The following LAT2 variants were observed in gnomAD, a reference collection of about 807,000 sequenced individuals.
LAT2 encodes linker for activation of T-cells family member 2.
In LAT2, 23 loss-of-function variants were observed where a neutral mutation model predicts 43.4. That is an observed-to-expected ratio of 0.53 (90% CI 0.38 to 0.75). LAT2 has a LOEUF of 0.75. Ranked by LOEUF, LAT2 falls within the 30% of genes least tolerant of loss-of-function variation. LAT2 has a pLI of 0.00. For synonymous variants in LAT2, 128 were observed against 123.2 expected (o/e 1.04, Z -0.26); for missense variants, 284 against 310.2 (o/e 0.92, Z 0.64).
rs781806954 is a variant in LAT2 at position 74,219,009 on chromosome 7, C to CTTTTTTT, written c.135-703_135-697dup. On this transcript the variant is annotated intron_variant, in intron 4 of 13. Coordinates refer to ENST00000460943, the MANE Select transcript of LAT2 (RefSeq NM_032464.3). ...CACCATGCCGGGTCTAGAGTGTGTG[C>CTTTTTTT]TTTTTTTTTTTTTTTTTTTTTTTTT... 3.9e-4 allele frequency among the ~76,000 whole-genome samples: 19 copies of CTTTTTTT among 48,800 alleles called. 4 individuals carry two copies. Among genetic ancestry groups the CTTTTTTT allele is most frequent in the Non-Finnish European group, 5.4e-4 (14 of 25,698 alleles). The allele number at this position is 48,800 out of a possible 152,430, so 32.0% of individuals were successfully genotyped here. A position where few individuals can be genotyped will look rare whatever the true frequency, so the allele number is the denominator to read the frequency against.
chr7:74,214,789 A>ATTT (rs1228293311), intron 1 of LAT2, 33 bp from the exon 2 acceptor site: 1 of 89,458 alleles, frequency 1.1e-5, no homozygotes, highest in South Asian at 3.0e-4. Context: ...ATATATATAT[A>ATTT]TATTTTTTTT....
chr7:74,210,566 C>T (rs1287995215), intron 1 of LAT2, among the ~76,000 whole-genome samples: 1 of 152,010 alleles, frequency 6.6e-6, no homozygotes, highest in Non-Finnish European at 1.5e-5. Flanking sequence ...GTCCCTGGGA[C>T]CAGGGCTGCT....
rs782791714 is a variant in LAT2 at position 74,224,233 on chromosome 7, TAGGGCAGGCTTGAGGGACTGGCCTGGA to T, written c.628+47_628+73del. The stretch of plus-strand genomic sequence containing the variant: ...GGGAGAAGAGGCAGGGTGGTCCACT[TAGGGCAGGCTTGAGGGACTGGCCTGGA>T]AGGGCAGGCTGAAAGTGGGCTTCCC... On this transcript the variant is annotated intron_variant, in intron 12 of 13. Coordinates refer to ENST00000460943, the MANE Select transcript of LAT2 (RefSeq NM_032464.3). 5 of 1,601,256 alleles carry T rather than the reference TAGGGCAGGCTTGAGGGACTGGCCTGGA, an allele frequency of 3.1e-6. No homozygotes were observed. In the East Asian group the frequency reaches 8.9e-5, roughly 29 times the overall value.
chr7:74,222,819 C>A (rs976228320), intron 10 of LAT2, among the ~76,000 whole-genome samples: 5 of 152,152 alleles, frequency 3.3e-5, no homozygotes, highest in Admixed American at 3.3e-4. Flanking sequence ...AGGTGATCCG[C>A]CCGCCTTGGC....
chr7:74,214,433 A>C (rs188366578), intron 1 of LAT2, among the ~76,000 whole-genome samples: 1,149 of 35,168 alleles, frequency 0.033, 120 homozygotes, highest in South Asian at 0.038. Flanking sequence ...TATATATGAA[A>C]ATATATATAT....
chr7:74,224,262 G>A (rs1421665711), intron 12 of LAT2, 65 bp downstream of exon 12: 4 of 1,542,274 alleles, frequency 2.6e-6, no homozygotes, highest in Non-Finnish European at 3.5e-6. Context: ...TGGCCTGGAA[G>A]GGCAGGCTGA....
At position 74,214,781 on chromosome 7, in the gene LAT2, ATATATATATATTTT is replaced by A. The variant is rs1554713980; in HGVS notation, c.-218-39_-218-26del. The A allele has an allele frequency of 9.2e-4, 77 of 84,060 alleles. 2 individuals are homozygous for A. Among genetic ancestry groups the A allele is most frequent in the African/African-American group, 4.4e-3 (75 of 17,184 alleles). 5.2% of individuals were successfully genotyped at this position (84,060 alleles called of 1,614,324 possible). ...TATATAAACATATATATATAAATATATATATATATATTTTTTTTTTTTTTTGTATTTTTTTTGTA... is the reference window on the plus strand; with the variant it reads ...TATATAAACATATATATATAAATATATTTTTTTTTTTGTATTTTTTTTGTA... On this transcript the variant is annotated intron_variant, in intron 1 of 13. Transcript: ENST00000460943.
In LAT2 at chr7:74,216,049, G is replaced by A. The variant is rs1554714236; in HGVS notation, c.74G>A (p.Cys25Tyr). 1 of 1,613,164 alleles carries A rather than the reference G, an allele frequency of 6.2e-7. No homozygotes were observed. Among genetic ancestry groups the A allele is most frequent in the South Asian group, 1.1e-5 (1 of 91,030 alleles). Residue 25 changes from cysteine (C) to tyrosine (Y), a missense_variant, in exon 3 of 14, where the codon TGT (cysteine) becomes TAT (tyrosine). Cys to Tyr is a radical substitution (Grantham distance 194). Transcript: ENST00000460943. ...CTGTTGGGGGTGGCAGCCAGTCTGT[G>A]TGTGCGCTGCTCACGCCCAGGTAAG... ...LVLLGVAASL[C>Y]VRCSRPGAKR...
chr7:74,220,779 G>A lies in LAT2; in HGVS notation c.332+45G>A. The stretch of plus-strand genomic sequence containing the variant: ...TCCCCCCTGCCTCGCCTCTCCCCCT[G>A]CCCCACCTCTCCCCCTGCCCCACCT... On this transcript the variant is annotated intron_variant, in intron 9 of 13. Coordinates refer to ENST00000460943, the MANE Select transcript of LAT2 (RefSeq NM_032464.3). The surrounding 1 kb of genome is among the most constrained non-coding windows in gnomAD (Gnocchi z 4.5). 7.1e-7 allele frequency: 1 copy of A among 1,405,328 alleles called. No homozygotes were observed. The highest frequency in any genetic ancestry group is 9.4e-7 in the Non-Finnish European group (1 of 1,068,000). 87.1% of individuals were successfully genotyped at this position (1,405,328 alleles called of 1,614,324 possible). A position where few individuals can be genotyped will look rare whatever the true frequency, so the allele number is the denominator to read the frequency against.
At position 74,211,614 on chromosome 7, in the gene LAT2, C is replaced by G. The variant is rs147947102; in HGVS notation, c.-219+1526C>G. On this transcript the variant is annotated intron_variant, in intron 1 of 13. Transcript: ENST00000460943. ...CTGAGACTAGAGGCGCCTGCCACCA[C>G]GACCGGCTAATTTTTTGTATTTTTA... Among the ~76,000 whole-genome samples the G allele has an allele frequency of 5.8e-3, 878 of 152,120 alleles. 11 individuals carry two copies. Among genetic ancestry groups the G allele is most frequent in the African/African-American group, 0.019 (805 of 41,502 alleles).
chr7:74,213,780 G>A (rs1288104127), intron 1 of LAT2, among the ~76,000 whole-genome samples: 1 of 151,888 alleles, frequency 6.6e-6, no homozygotes, highest in Non-Finnish European at 1.5e-5. Flanking sequence ...CCCCAGCTGT[G>A]GGATGGGGAG....
In LAT2 at chr7:74,220,265, C is replaced by T. The variant is rs1387616253; in HGVS notation, c.265+11C>T. 3.1e-6 allele frequency: 5 copies of T among 1,610,864 alleles called. No individual in the cohort carries two copies. In the Admixed American group the frequency reaches 5.0e-5, roughly 16 times the overall value. On this transcript the variant is annotated intron_variant, in intron 7 of 13. Transcript: ENST00000460943. The surrounding 1 kb of genome is among the most constrained non-coding windows in gnomAD (Gnocchi z 4.5). ...ACCCCAGCCTGGAGGGTGAGTGGCA[C>T]AGGGCAGGGACAGGGACAGGCCTAG...
In LAT2 at chr7:74,214,229, AATAT is replaced by A. The variant is rs1459696555; in HGVS notation, c.-218-588_-218-585del. Among the ~76,000 whole-genome samples the A allele has an allele frequency of 4.2e-4, 31 of 73,842 alleles. 3 individuals are homozygous for A. Among genetic ancestry groups the A allele is most frequent in the African/African-American group, 1.8e-3 (29 of 15,878 alleles). 48.4% of individuals were successfully genotyped at this position (73,842 alleles called of 152,430 possible). A position where few individuals can be genotyped will look rare whatever the true frequency, so the allele number is the denominator to read the frequency against. ...ATATATATGAAAATATATATATGAA[AATAT>A]ATATGAAAATATATATATAAATATA... On this transcript the variant is annotated intron_variant, in intron 1 of 13. Transcript: ENST00000460943.
At chr7:74,214,740 A>C (rs1267431878) in intron 1 of LAT2, 82 bp from the exon 2 acceptor site, 5 of 97,694 alleles carry the variant, frequency 5.1e-5, no homozygotes, top group East Asian at 2.8e-4. Context: ...TATATATAAA[A>C]ATATATAAAT....
intron 13 of LAT2, chr7:74,224,978 C>A: frequency 2.4e-6 from 1 of 418,396 alleles, no homozygotes; most frequent in Non-Finnish European, 4.4e-6. Flanking sequence ...ACTTCAGGGG[C>A]AAAGAAGTGG....
Position 74,220,377 on chromosome 7 carries a change from G to C in LAT2, c.265+123G>C. The C allele has an allele frequency of 7.8e-7, 1 of 1,288,962 alleles. No homozygotes were observed. The highest frequency in any genetic ancestry group is 1.1e-6 in the Non-Finnish European group (1 of 908,246). The allele number at this position is 1,288,962 out of a possible 1,614,324, so 79.8% of individuals were successfully genotyped here. A position where few individuals can be genotyped will look rare whatever the true frequency, so the allele number is the denominator to read the frequency against. ...GGGGCCAGGCGAGGCCTCCCCAGGA[G>C]AGACACACAGGCTGGGGCAGGGCAG... is the stretch of plus-strand genomic sequence containing the variant. On this transcript the variant is annotated intron_variant, in intron 7 of 13. Coordinates refer to ENST00000460943, the MANE Select transcript of LAT2 (RefSeq NM_032464.3). The surrounding 1 kb of genome is among the most constrained non-coding windows in gnomAD (Gnocchi z 4.5).
Position 74,220,455 on chromosome 7 carries a change from TGA to T in LAT2, c.266-127_266-126del. On this transcript the variant is annotated intron_variant, in intron 7 of 13. Coordinates refer to ENST00000460943, the MANE Select transcript of LAT2 (RefSeq NM_032464.3). The surrounding 1 kb of genome is among the most constrained non-coding windows in gnomAD (Gnocchi z 4.5). ...GGGTGCACACTCGCACATGCCCCAC[TGA>T]GGGGACAGGGAGCACTGCAAAGGCT... 7 of 1,317,116 alleles carry T rather than the reference TGA, an allele frequency of 5.3e-6. No individual in the cohort carries two copies. Among genetic ancestry groups the T allele is most frequent in the Non-Finnish European group, 7.6e-6 (7 of 926,902 alleles). 81.6% of individuals were successfully genotyped at this position (1,317,116 alleles called of 1,614,324 possible).
At chr7:74,214,060 A>ATATG (rs1563966453) in intron 1 of LAT2, among the ~76,000 whole-genome samples, 4 of 130,652 alleles carry the variant, frequency 3.1e-5, no homozygotes, top group South Asian at 2.2e-4. Context: ...ATATATATGA[A>ATATG]AAAATATATA....
intron 2 of LAT2, chr7:74,215,308 A>C (rs1393085847): frequency 6.5e-6 from 1 of 152,762 alleles, no homozygotes; most frequent in Non-Finnish European, 1.5e-5. Context: ...CTGGGCTTGC[A>C]GTTGTTTCAG....
Sources: allele counts gnomAD v4.1 joint callset (sites outside exome capture counted in the v4.1 genomes callset), GRCh38; gene constraint gnomAD v4.1.1; non-coding constraint Gnocchi (gnomAD v3.1); transcripts MANE v1.5; gene names NCBI Gene and HGNC (gene_info 2026-07-23, HGNC 2026-07-21).